Variants in DNAJC27 observed in about 807,000 individuals in gnomAD.
DNAJC27 encodes DnaJ heat shock protein family (Hsp40) member C27.
DNAJC27 carries 25 observed loss-of-function variants against 31.4 expected under a neutral mutation model. That is an observed-to-expected ratio of 0.80 (90% CI 0.58 to 1.11). The LOEUF is 1.11. DNAJC27 is among the 50% of genes most tolerant of loss of function. The pLI, the probability that DNAJC27 is intolerant of heterozygous loss-of-function variation, is 0.00. For missense variants in DNAJC27, 356 were observed against 347.3 expected, an observed-to-expected ratio of 1.02 and a Z score of -0.20; for synonymous variants, 106 against 112.7, an observed-to-expected ratio of 0.94 and a Z score of 0.37.
At chr2:24,963,771 A>T (rs948193821) in intron 2 of DNAJC27, among the ~76,000 whole-genome samples, 2 of 152,220 alleles carry the variant, frequency 1.3e-5, no homozygotes, top group African/African-American at 4.8e-5. Flanking sequence ...AGCTATTACT[A>T]TGGTATTAAG....
intron 3 of DNAJC27, chr2:24,958,542 C>T: frequency 2.4e-6 from 1 of 409,410 alleles, no homozygotes; most frequent in Non-Finnish European, 5.1e-6. Flanking sequence ...TTCACACTTA[C>T]TTACTAGTTT....
intron 3 of DNAJC27, among the ~76,000 whole-genome samples, chr2:24,961,638 C>T (rs1666044359): frequency 1.3e-5 from 2 of 152,032 alleles, no homozygotes; most frequent in South Asian, 2.1e-4. Context: ...GATTCCAACC[C>T]TTACAGATAA....
At chr2:24,958,033 C>A in intron 3 of DNAJC27, 59 bp from the exon 4 acceptor site, 1 of 1,512,750 alleles carries the variant, frequency 6.6e-7, no homozygotes, top group Admixed American at 1.8e-5. Context: ...AAGAATGTAT[C>A]TCACAGTCAT....
rs1344912045 is a variant in DNAJC27, at chr2:24,946,571, CTAAGCCTCATAA to C, written c.*1033_*1044del. The C allele has an allele frequency of 6.6e-6, 1 of 152,248 alleles. No individual in the cohort carries two copies. Among genetic ancestry groups the C allele is most frequent in the Non-Finnish European group, 1.5e-5 (1 of 68,074 alleles). 9.4% of individuals were successfully genotyped at this position (152,248 alleles called of 1,614,324 possible). On this transcript the variant is annotated 3_prime_UTR_variant, in exon 7 of 7. Transcript: ENST00000264711. ...GCAAAGGCTGGCAGTAAGACAAGGG[CTAAGCCTCATAA>C]GGAGTCTCTCCTACTGCATCAAGCT...
Position 24,961,115 on chromosome 2 carries a change from C to G in DNAJC27, c.240+2290G>C, listed in dbSNP as rs907423394. Among the ~76,000 whole-genome samples, 9 of 152,158 alleles carry G rather than the reference C, an allele frequency of 5.9e-5. No homozygotes were observed. In the South Asian group the frequency reaches 1.9e-3, roughly 32 times the overall value. Reference sequence around the variant, plus strand: ...TTGTTACGGGCTGACAGAGCTGTTACGGGCTATATGAGCTGATGCTCATTT... The same window carrying G: ...TTGTTACGGGCTGACAGAGCTGTTAGGGGCTATATGAGCTGATGCTCATTT... On this transcript the variant is annotated intron_variant, in intron 3 of 6. Coordinates refer to ENST00000264711, the MANE Select transcript of DNAJC27 (RefSeq NM_016544.3).
At position 24,951,551 on chromosome 2, in the gene DNAJC27, A is replaced by C. The variant is rs766920489; in HGVS notation, c.532T>G (p.Phe178Val). The change falls in exon 6 of 7, where the codon TTT becomes GTT. Residue 178 changes from phenylalanine to valine, a missense_variant. Phe to Val is a conservative substitution (Grantham distance 50). Transcript: ENST00000264711. ...GEGINEMFQT[F>V]YISIVDLCEN... Reference sequence around the variant, plus strand: ...CATAAATCAACTATGGATATATAAAAGGTCTACAAGAAGAAAACATAACCC... The same window carrying C: ...CATAAATCAACTATGGATATATAAACGGTCTACAAGAAGAAAACATAACCC... 3.0e-5 allele frequency: 49 copies of C among 1,608,124 alleles called. No individual in the cohort carries two copies. The highest frequency in any genetic ancestry group is 4.0e-5 in the African/African-American group (3 of 74,774).
chr2:24,951,547 T>G lies in DNAJC27; in HGVS notation c.536A>C (p.Tyr179Ser). 1 of 1,610,930 alleles carries G rather than the reference T, an allele frequency of 6.2e-7. No individual in the cohort carries two copies. Among genetic ancestry groups the G allele is most frequent in the Non-Finnish European group, 8.5e-7 (1 of 1,178,568 alleles). The change falls in exon 6 of 7, where the codon TAT becomes TCT. Residue 179 changes from tyrosine (Y) to serine (S), a missense_variant. Coordinates refer to ENST00000264711, the MANE Select transcript of DNAJC27 (RefSeq NM_016544.3). Reference protein sequence around the residue: ...EGINEMFQTFYISIVDLCENG... With the variant: ...EGINEMFQTFSISIVDLCENG... ...TTCACATAAATCAACTATGGATATA[T>G]AAAAGGTCTACAAGAAGAAAACATA... is the stretch of plus-strand genomic sequence containing the variant.
At chr2:24,968,584 C>T (rs1010644228) in intron 1 of DNAJC27, among the ~76,000 whole-genome samples, 12 of 151,806 alleles carry the variant, frequency 7.9e-5, no homozygotes, top group South Asian at 6.2e-4. Flanking sequence ...CCCCGTGAAC[C>T]GCCCGCCTCG....
At chr2:24,971,111 G>A (rs747430127) in intron 1 of DNAJC27, among the ~76,000 whole-genome samples, 1 of 152,180 alleles carries the variant, frequency 6.6e-6, no homozygotes, top group African/African-American at 2.4e-5. Flanking sequence ...GAGTGAAGAG[G>A]AGGCCGTCTT....
Position 24,971,935 on chromosome 2 carries a change from G to A in DNAJC27, c.-31C>T, listed in dbSNP as rs1417585492. 3 of 1,537,486 alleles carry A rather than the reference G, an allele frequency of 2.0e-6. No homozygotes were observed. The highest frequency in any genetic ancestry group is 3.8e-5 in the Admixed American group (2 of 52,708). On this transcript the variant is annotated 5_prime_UTR_variant, in exon 1 of 7. Coordinates refer to ENST00000264711, the MANE Select transcript of DNAJC27 (RefSeq NM_016544.3). ...TGGCTCTCTCGGGGCCACCCGCCTC[G>A]GTCTCTTCTTGTGCACCGCTGGCCC... is the stretch of plus-strand genomic sequence containing the variant.
At chr2:24,971,345 T>C (rs2149134358) in intron 1 of DNAJC27, 1 of 153,306 alleles carries the variant, frequency 6.5e-6, no homozygotes, top group Middle Eastern at 3.4e-3. Flanking sequence ...TCAGTTACGC[T>C]CTCTCGTGAC....
chr2:24,952,492 C>G (rs910238161), intron 5 of DNAJC27, among the ~76,000 whole-genome samples: 4 of 152,152 alleles, frequency 2.6e-5, no homozygotes. Flanking sequence ...GTAACCAACT[C>G]TCTATTCTTG....
intron 5 of DNAJC27, among the ~76,000 whole-genome samples, chr2:24,952,734 G>A (rs897646943): frequency 3.3e-5 from 5 of 151,976 alleles, no homozygotes; most frequent in African/African-American, 1.2e-4. Flanking sequence ...GTGAGACAGA[G>A]TGCCTACTTC....
chr2:24,962,224 T>C (rs1385557716), intron 3 of DNAJC27, among the ~76,000 whole-genome samples: 2 of 151,648 alleles, frequency 1.3e-5, no homozygotes, highest in Non-Finnish European at 2.9e-5. Flanking sequence ...TTCTTTTGTT[T>C]TTTTTTGTGT....
intron 5 of DNAJC27, among the ~76,000 whole-genome samples, chr2:24,955,646 CAAAG>C (rs1665887904): frequency 6.6e-6 from 1 of 151,998 alleles, no homozygotes; most frequent in East Asian, 1.9e-4. Flanking sequence ...TGCTGAAAAC[CAAAG>C]AAAAGAGAAA....
At chr2:24,971,083 C>T (rs1666323040) in intron 1 of DNAJC27, among the ~76,000 whole-genome samples, 1 of 152,118 alleles carries the variant, frequency 6.6e-6, no homozygotes, top group Non-Finnish European at 1.5e-5. Context: ...ATTCCACTTG[C>T]CCAAAAGGAA....
chr2:24,957,994 T>C lies in DNAJC27; in HGVS notation c.241-20A>G. On this transcript the variant is annotated intron_variant, in intron 3 of 6. Transcript: ENST00000264711. The stretch of plus-strand genomic sequence containing the variant: ...TCGAACCTTCAAATAAAAGGACAGA[T>C]ACACAAAACGTAGTTTTTGTGATGT... 1 of 1,604,094 alleles carries C rather than the reference T, an allele frequency of 6.2e-7. No homozygotes were observed. The highest frequency in any genetic ancestry group is 1.3e-5 in the African/African-American group (1 of 74,680).
At chr2:24,959,760 C>CCTCA (rs925104402) in intron 3 of DNAJC27, among the ~76,000 whole-genome samples, 3 of 152,234 alleles carry the variant, frequency 2.0e-5, no homozygotes, top group African/African-American at 7.2e-5. Flanking sequence ...CTGTTCCATT[C>CCTCA]CTCACCATCC....
At chr2:24,958,313 TG>T (rs1454160733) in intron 3 of DNAJC27, among the ~76,000 whole-genome samples, 1 of 152,148 alleles carries the variant, frequency 6.6e-6, no homozygotes, top group Non-Finnish European at 1.5e-5. Context: ...ATTAGGAAGG[TG>T]AGTGAGCAAT....
Sources: allele counts gnomAD v4.1 joint callset (sites outside exome capture counted in the v4.1 genomes callset), GRCh38; gene constraint gnomAD v4.1.1; transcripts MANE v1.5; gene names NCBI Gene and HGNC (gene_info 2026-07-23, HGNC 2026-07-21).